The following TRPC4 variants were observed in gnomAD, a reference collection of about 807,000 sequenced individuals.
The protein encoded by TRPC4 is short transient receptor potential channel 4.
Under a neutral mutation model 99.4 loss-of-function variants are expected in TRPC4, and 49 were observed. The ratio of observed to expected loss-of-function variants is 0.49; its 90% confidence interval spans 0.39 to 0.63. TRPC4 has a LOEUF of 0.63. Ranked by LOEUF, TRPC4 falls within the 20% of genes least tolerant of loss-of-function variation. The pLI, the probability that TRPC4 is intolerant of heterozygous loss-of-function variation, is 0.00. For synonymous variants in TRPC4, 454 were observed against 425.9 expected (o/e 1.07, Z -0.81); for missense variants, 898 against 1,152.9 (o/e 0.78, Z 3.20).
At chr13:37,867,742 A>G (rs561565098) in intron 1 of TRPC4, among the ~76,000 whole-genome samples, 18 of 152,260 alleles carry the variant, frequency 1.2e-4, no homozygotes, top group African/African-American at 3.6e-4. Context: ...CCATCCAAAT[A>G]TTGAAAAATA....
At chr13:37,849,634 A>C (rs1959003998) in intron 1 of TRPC4, among the ~76,000 whole-genome samples, 1 of 152,164 alleles carries the variant, frequency 6.6e-6, no homozygotes, top group Admixed American at 6.5e-5. Flanking sequence ...ACAGGATCTC[A>C]TTGTGCCTAA....
At chr13:37,814,446 A>G (rs185712838) in intron 1 of TRPC4, among the ~76,000 whole-genome samples, 2 of 152,024 alleles carry the variant, frequency 1.3e-5, no homozygotes, top group Non-Finnish European at 2.9e-5. Context: ...ATTAAAGACT[A>G]ATGAATGGAT....
intron 1 of TRPC4, among the ~76,000 whole-genome samples, chr13:37,812,175 T>TTAA (rs1957707997): frequency 1.9e-4 from 1 of 5,202 alleles, no homozygotes; most frequent in South Asian, 5.3e-3. Flanking sequence ...TGAGACTCTA[T>TTAA]CAAAAAAAAA....
At chr13:37,727,002 T>TAC (rs1444630281) in intron 3 of TRPC4, among the ~76,000 whole-genome samples, 1 of 152,078 alleles carries the variant, frequency 6.6e-6, no homozygotes, top group African/African-American at 2.4e-5. Flanking sequence ...GAGACTTCAA[T>TAC]ACCCTCTCTC....
Position 37,746,348 on chromosome 13 carries a change from A to C in TRPC4, c.486T>G (p.Val162=), listed in dbSNP as rs952109473. ...GTCGAGGCACTGAGACTCCTTTCTG[A>C]ACCAAGAGTTTTATTATCTCATAAT... The part of the protein sequence containing the change: ...TNNYEIIKLL[V]QKGVSVPRPH... The change falls in exon 3 of 11, where the codon GTT becomes GTG. Residue 162 remains valine (V), a synonymous_variant. Coordinates refer to ENST00000379705, the MANE Select transcript of TRPC4 (RefSeq NM_016179.4). 3.1e-6 allele frequency: 5 copies of C among 1,613,660 alleles called. No individual in the cohort carries two copies.
At chr13:37,709,039 A>T (rs917962699) in intron 3 of TRPC4, among the ~76,000 whole-genome samples, 3 of 152,006 alleles carry the variant, frequency 2.0e-5, no homozygotes, top group African/African-American at 7.2e-5. Flanking sequence ...AGAAGGAAAT[A>T]TCCACCTCTA....
At chr13:37,657,572 C>T (rs1441473332) in intron 6 of TRPC4, among the ~76,000 whole-genome samples, 1 of 152,108 alleles carries the variant, frequency 6.6e-6, no homozygotes, top group African/African-American at 2.4e-5. Flanking sequence ...GTTTTCCTGA[C>T]ATGAATAGCA....
intron 3 of TRPC4, among the ~76,000 whole-genome samples, chr13:37,727,975 T>A (rs1445752281): frequency 6.6e-6 from 1 of 152,086 alleles, no homozygotes; most frequent in South Asian, 2.1e-4. Context: ...AGGAAAATTA[T>A]TTGACAAAAT....
At chr13:37,810,549 G>C (rs936641558) in intron 1 of TRPC4, among the ~76,000 whole-genome samples, 9 of 152,062 alleles carry the variant, frequency 5.9e-5, no homozygotes, top group Admixed American at 2.0e-4. Flanking sequence ...GGATGGAAGA[G>C]TTCACTCTTG....
chr13:37,789,566 T>C (rs9566254), intron 1 of TRPC4, among the ~76,000 whole-genome samples: 45,889 of 152,102 alleles, frequency 0.3, 8,673 homozygotes, highest in South Asian at 0.46. Flanking sequence ...AGTTTTACTC[T>C]GCCATTTTAG....
chr13:37,765,058 G>A (rs7324261), intron 2 of TRPC4, among the ~76,000 whole-genome samples: 4,243 of 150,726 alleles, frequency 0.028, 187 homozygotes, highest in African/African-American at 0.097. Context: ...TTGAATGGTA[G>A]GGCTTATCTA....
intron 1 of TRPC4, among the ~76,000 whole-genome samples, chr13:37,868,671 G>C (rs1313970947): frequency 1.3e-5 from 2 of 150,776 alleles, no homozygotes; most frequent in African/African-American, 4.9e-5. Context: ...GCTTCCTTCT[G>C]TCTCTTCCTA....
chr13:37,856,427 C>T (rs139652149), intron 1 of TRPC4, among the ~76,000 whole-genome samples: 39 of 149,568 alleles, frequency 2.6e-4, no homozygotes, highest in African/African-American at 8.3e-4. Context: ...CTGATGCCTT[C>T]GCTGTTGAAT....
At chr13:37,798,251 C>T (rs1957307154) in intron 1 of TRPC4, among the ~76,000 whole-genome samples, 1 of 152,088 alleles carries the variant, frequency 6.6e-6, no homozygotes, top group African/African-American at 2.4e-5. Context: ...GAGCTATGAA[C>T]TACATAGTAG....
intron 4 of TRPC4, among the ~76,000 whole-genome samples, chr13:37,675,404 A>G (rs1254839908): frequency 2.6e-5 from 4 of 152,206 alleles, no homozygotes; most frequent in Non-Finnish European, 5.9e-5. Flanking sequence ...GCACCATCCA[A>G]GAGACTCGGC....
intron 2 of TRPC4, among the ~76,000 whole-genome samples, chr13:37,759,448 A>G (rs1399731974): frequency 2.0e-5 from 3 of 151,858 alleles, no homozygotes; most frequent in African/African-American, 7.2e-5. Context: ...TACATACATA[A>G]AGTTAAAAAA....
intron 3 of TRPC4, among the ~76,000 whole-genome samples, chr13:37,714,786 C>T (rs1954606910): frequency 8.1e-6 from 1 of 124,110 alleles, no homozygotes; most frequent in South Asian, 2.6e-4. Flanking sequence ...CAGATTCCCT[C>T]TGGCATTGTT....
intron 1 of TRPC4, among the ~76,000 whole-genome samples, chr13:37,851,874 G>A (rs1161054555): frequency 6.6e-6 from 1 of 152,192 alleles, no homozygotes; most frequent in Non-Finnish European, 1.5e-5. Context: ...ACTCAGTGCT[G>A]CCCTGCAATA....
chr13:37,649,686 C>G (rs1227113563), intron 8 of TRPC4, among the ~76,000 whole-genome samples: 1 of 129,898 alleles, frequency 7.7e-6, no homozygotes, highest in Admixed American at 9.2e-5. Flanking sequence ...GAGTCGCGAT[C>G]ATGCCACTGC....
Sources: gnomAD v4.1 joint callset for allele counts (sites outside exome capture counted in the v4.1 genomes callset) on GRCh38, gnomAD v4.1.1 for gene constraint, MANE v1.5 for transcripts, NCBI Gene and HGNC (gene_info 2026-07-23, HGNC 2026-07-21) for gene names.